The following SOCS5 variants were observed in gnomAD, a reference collection of about 807,000 sequenced individuals.
SOCS5 encodes the protein suppressor of cytokine signaling 5.
In SOCS5, 32 loss-of-function variants were observed where a neutral mutation model predicts 42.8. The ratio of observed to expected loss-of-function variants is 0.75; its 90% CI spans 0.56 to 1.01. The LOEUF (loss-of-function observed/expected upper bound fraction) is 1.01, where lower values mean the gene tolerates loss of function less well. SOCS5 is among the 50% of genes least tolerant of loss of function. The pLI is 0.00. For synonymous variants in SOCS5, 283 were observed against 229.6 expected (o/e 1.23, Z -2.10); for missense variants, 627 against 653.0 (o/e 0.96, Z 0.43).
intron 1 of SOCS5, among the ~76,000 whole-genome samples, chr2:46,701,717 A>G (rs1672347251): frequency 6.7e-6 from 1 of 149,558 alleles, no homozygotes; most frequent in Admixed American, 6.7e-5. Context: ...TGTTAGCGTT[A>G]GTGCTGATAG....
At chr2:46,743,933 A>G (rs570773742) in intron 1 of SOCS5, among the ~76,000 whole-genome samples, 1 of 152,240 alleles carries the variant, frequency 6.6e-6, no homozygotes, top group South Asian at 2.1e-4. Flanking sequence ...CAGTAAAGTC[A>G]AAGAAGAATT....
At chr2:46,753,329 T>C (rs1673664824) in intron 1 of SOCS5, among the ~76,000 whole-genome samples, 1 of 152,242 alleles carries the variant, frequency 6.6e-6, no homozygotes, top group African/African-American at 2.4e-5. Flanking sequence ...TGTTACTTGC[T>C]ACTCAATCCT....
chr2:46,751,796 T>C (rs1673628533), intron 1 of SOCS5, among the ~76,000 whole-genome samples: 1 of 152,138 alleles, frequency 6.6e-6, no homozygotes, highest in Admixed American at 6.6e-5. Context: ...ACATCAGGGG[T>C]TGGCAAACTA....
chr2:46,706,532 G>A (rs1038607161), intron 1 of SOCS5, among the ~76,000 whole-genome samples: 6 of 152,142 alleles, frequency 3.9e-5, no homozygotes, highest in Admixed American at 2.6e-4. Flanking sequence ...GAATGTCTTG[G>A]TGTACAGTTT....
intron 1 of SOCS5, among the ~76,000 whole-genome samples, chr2:46,729,246 CTG>C (rs1454877767): frequency 1.3e-5 from 2 of 152,152 alleles, no homozygotes; most frequent in Non-Finnish European, 2.9e-5. Flanking sequence ...GAAATTCACA[CTG>C]TGTTACTCAA....
chr2:46,752,210 C>T (rs771316989), intron 1 of SOCS5, among the ~76,000 whole-genome samples: 2 of 151,554 alleles, frequency 1.3e-5, no homozygotes, highest in Admixed American at 6.6e-5. Flanking sequence ...TGAGCTCTAC[C>T]TCCTGTCTAG....
In SOCS5 at chr2:46,761,923, C is replaced by T. The variant is rs564665156; in HGVS notation, c.*1782C>T. 1.8e-5 allele frequency: 3 copies of T among 167,054 alleles called. No homozygotes were observed. The East Asian group carries it at 5.8e-4, about 32-fold the overall frequency. The allele number at this position is 167,054 out of a possible 1,614,324, so 10.3% of individuals were successfully genotyped here. A position where few individuals can be genotyped will look rare whatever the true frequency, so the allele number is the denominator to read the frequency against. On this transcript the variant is annotated 3_prime_UTR_variant, in exon 2 of 2. Coordinates refer to ENST00000394861, the MANE Select transcript of SOCS5 (RefSeq NM_144949.3). ...CTTATAAATGAAAGATTGAAACTAT[C>T]CAATGACATATTATAGTAAATGAGT... is the stretch of plus-strand genomic sequence containing the variant.
chr2:46,748,142 A>G (rs2103751434), intron 1 of SOCS5, among the ~76,000 whole-genome samples: 1 of 151,874 alleles, frequency 6.6e-6, no homozygotes, highest in Middle Eastern at 3.5e-3. Flanking sequence ...ATATCCTGCT[A>G]AAGACTAATT....
chr2:46,700,321 G>A lies in SOCS5; in HGVS notation c.-13+872G>A, dbSNP rs1480195576. Among the ~76,000 whole-genome samples, 5 of 152,112 alleles carry A rather than the reference G, an allele frequency of 3.3e-5. 1 individual carries two copies. Among genetic ancestry groups the A allele is most frequent in the Admixed American group, 3.3e-4 (5 of 15,274 alleles). ...TTATCTTTTATTGAAAAATATATGT[G>A]TATGTTTGATGGTATTCTATCAGTC... On this transcript the variant is annotated intron_variant, in intron 1 of 1. Transcript: ENST00000394861.
chr2:46,759,972 C>A lies in SOCS5; in HGVS notation c.1442C>A (p.Pro481His). ...LLTISLNRTF[P>H]FSLQYICRAV... ...ACTATATCACTAAATAGGACTTTCC[C>A]TTTTAGCCTGCAGTATATCTGTCGC... Residue 481 changes from proline to histidine, a missense_variant, in exon 2 of 2, where the codon CCT (proline) becomes CAT (histidine). Transcript: ENST00000394861. 3 of 1,614,150 alleles carry A rather than the reference C, an allele frequency of 1.9e-6. No homozygotes were observed. Among genetic ancestry groups the A allele is most frequent in the Non-Finnish European group, 2.5e-6 (3 of 1,180,014 alleles).
intron 1 of SOCS5, among the ~76,000 whole-genome samples, chr2:46,736,184 GGT>G (rs1473034156): frequency 2.6e-5 from 4 of 151,978 alleles, no homozygotes; most frequent in African/African-American, 4.8e-5. Context: ...TGGGATTGTA[GGT>G]GTGTGCCACC....
intron 1 of SOCS5, among the ~76,000 whole-genome samples, chr2:46,718,712 G>T (rs1672809078): frequency 1.3e-5 from 2 of 152,114 alleles, no homozygotes; most frequent in Non-Finnish European, 2.9e-5. Context: ...CTTTCTAAAA[G>T]ATTTTTCTCT....
intron 1 of SOCS5, among the ~76,000 whole-genome samples, chr2:46,754,360 C>T (rs1673687443): frequency 6.6e-6 from 1 of 152,060 alleles, no homozygotes; most frequent in South Asian, 2.1e-4. Context: ...ATTTTCTTGG[C>T]CTCTACCTAA....
intron 1 of SOCS5, among the ~76,000 whole-genome samples, chr2:46,712,425 C>A (rs980865561): frequency 6.8e-6 from 1 of 146,692 alleles, no homozygotes; most frequent in South Asian, 2.2e-4. Context: ...CTCACTGCAA[C>A]CCCCGCCTCC....
At chr2:46,746,922 C>CTTTTTTTTT (rs11373537) in intron 1 of SOCS5, among the ~76,000 whole-genome samples, 2,059 of 70,712 alleles carry the variant, frequency 0.029, 5 homozygotes, top group Non-Finnish European at 0.041. Context: ...GACTTTATTT[C>CTTTTTTTTT]TTTTTTTTTT....
At chr2:46,753,858 G>C (rs1673677627) in intron 1 of SOCS5, among the ~76,000 whole-genome samples, 1 of 152,152 alleles carries the variant, frequency 6.6e-6, no homozygotes, top group Non-Finnish European at 1.5e-5. Context: ...TCATGGTGCT[G>C]GTGGGAGTGT....
At chr2:46,757,261 C>T (rs944123996) in intron 1 of SOCS5, among the ~76,000 whole-genome samples, 1 of 152,178 alleles carries the variant, frequency 6.6e-6, no homozygotes, top group Non-Finnish European at 1.5e-5. Context: ...ATGGCAAGAT[C>T]AGCTAAAGTT....
At chr2:46,722,419 T>C (rs1022558396) in intron 1 of SOCS5, among the ~76,000 whole-genome samples, 4 of 152,120 alleles carry the variant, frequency 2.6e-5, no homozygotes, top group Non-Finnish European at 4.4e-5. Context: ...TGTAGGCCAG[T>C]AGGTTAGATT....
At chr2:46,726,257 C>T (rs530465548) in intron 1 of SOCS5, among the ~76,000 whole-genome samples, 20 of 152,152 alleles carry the variant, frequency 1.3e-4, no homozygotes, top group African/African-American at 2.2e-4. Context: ...CCACCATGCT[C>T]GGCTAATTTT....
Sources: gnomAD v4.1 joint callset for allele counts (sites outside exome capture counted in the v4.1 genomes callset) on GRCh38, gnomAD v4.1.1 for gene constraint, MANE v1.5 for transcripts, NCBI Gene and HGNC (gene_info 2026-07-23, HGNC 2026-07-21) for gene names.